BIRC5: variants seen among roughly 807,000 people sequenced by gnomAD.
BIRC5 encodes baculoviral IAP repeat containing 5, also known as baculoviral IAP repeat-containing protein 5.
BIRC5 carries 8 observed loss-of-function variants against 15.8 expected under a neutral mutation model. That is an observed-to-expected ratio of 0.51 (90% CI 0.30 to 0.91). The LOEUF (loss-of-function observed/expected upper bound fraction) is 0.91. Ranked by LOEUF, BIRC5 falls within the 40% of genes least tolerant of loss-of-function variation. The pLI is 0.07. For synonymous variants in BIRC5, 56 were observed against 64.5 expected, an observed-to-expected ratio of 0.87 and a Z score of 0.63; for missense variants, 163 against 178.6, an observed-to-expected ratio of 0.91 and a Z score of 0.50.
Position 78,215,904 on chromosome 17 carries a change from G to T in BIRC5, c.222-760G>T, listed in dbSNP as rs372074460. On this transcript the variant is annotated intron_variant, in intron 2 of 3. Transcript: ENST00000350051. ...CCCCTAGCAGAAAATGAGAGTGTGA[G>T]CTAGGGGGTCCCTTGGGGAACCCGG... The T allele has an allele frequency of 5.4e-5, 58 of 1,065,466 alleles. No homozygotes were observed. In the African/African-American group the frequency reaches 9.3e-4, roughly 17 times the overall value. 66.0% of individuals were successfully genotyped at this position (1,065,466 alleles called of 1,614,324 possible).
rs1468464730 is a variant in BIRC5, at chr17:78,223,749, G to A, written c.*195G>A. ...CCAGAGGTGCTTCTGCCTGTGCAGC[G>A]GGTGCTGCTGGTAACAGTGGCTGCT... On this transcript the variant is annotated 3_prime_UTR_variant, in exon 4 of 4. Transcript: ENST00000350051. 13 of 1,225,068 alleles carry A rather than the reference G, an allele frequency of 1.1e-5. No individual in the cohort carries two copies. Among genetic ancestry groups the A allele is most frequent in the Admixed American group, 3.5e-5 (1 of 28,178 alleles). 75.9% of individuals were successfully genotyped at this position (1,225,068 alleles called of 1,614,324 possible).
chr17:78,214,840 C>A, intron 2 of BIRC5, 51 bp downstream of exon 2: 1 of 1,521,084 alleles, frequency 6.6e-7, no homozygotes, highest in South Asian at 1.2e-5. Context: ...ACTGAGTTGT[C>A]AAAAGATTTG....
chr17:78,218,301 A>T (rs1156353464), intron 3 of BIRC5, among the ~76,000 whole-genome samples: 1 of 145,026 alleles, frequency 6.9e-6, no homozygotes, highest in Admixed American at 6.9e-5. Context: ...TTTATTTTTA[A>T]TTTTTTTTTT....
chr17:78,216,913 C>T, intron 3 of BIRC5, 132 bp downstream of exon 3: 2 of 616,030 alleles, frequency 3.2e-6, no homozygotes, highest in Non-Finnish European at 5.4e-6. Flanking sequence ...GAGTTTCACT[C>T]TTGTTGCCCA....
rs765360796 is a variant in BIRC5, at chr17:78,216,679, G to T, written c.237G>T (p.Lys79Asn). Residue 79 changes from lysine (K) to asparagine (N), a missense_variant, in exon 3 of 4, where the codon AAG becomes AAT. By Grantham distance (94) the Lys-to-Asn change is moderately conservative. Transcript: ENST00000350051. ...PDDDPIEEHKKHSSGCAFLSV... is the reference protein window; with the variant it reads ...PDDDPIEEHKNHSSGCAFLSV... ...ATTTTTCTAGAGAGGAACATAAAAA[G>T]CATTCGTCCGGTTGCGCTTTCCTTT... 11 of 1,613,478 alleles carry T rather than the reference G, an allele frequency of 6.8e-6. No individual in the cohort carries two copies. The highest frequency in any genetic ancestry group is 9.3e-6 in the Non-Finnish European group (11 of 1,179,674).
In BIRC5 at chr17:78,225,305, T is replaced by G. The variant is rs1172518621; in HGVS notation, c.*1751T>G. 6.6e-6 allele frequency: 1 copy of G among 152,220 alleles called. No individual in the cohort carries two copies. Among genetic ancestry groups the G allele is most frequent in the African/African-American group, 2.4e-5 (1 of 41,456 alleles). The allele number at this position is 152,220 out of a possible 1,614,324, so 9.4% of individuals were successfully genotyped here. On this transcript the variant is annotated 3_prime_UTR_variant, in exon 4 of 4. Transcript: ENST00000350051. ...CTCATGGCTACCAGCACCTGAAAGC[T>G]TCCTCGACATCTGTTAATAAAGCCG... is the stretch of plus-strand genomic sequence containing the variant.
chr17:78,216,656 T>C lies in BIRC5; in HGVS notation c.222-8T>C. ...GCTGCCTTTCCGCTGTTGTTTTGAT[T>C]TTTCTAGAGAGGAACATAAAAAGCA... On this transcript the variant is annotated splice_region_variant and splice_polypyrimidine_tract_variant and intron_variant, in intron 2 of 3. Coordinates refer to ENST00000350051, the MANE Select transcript of BIRC5 (RefSeq NM_001168.3). The C allele has an allele frequency of 6.2e-7, 1 of 1,612,832 alleles. No homozygotes were observed. Among genetic ancestry groups the C allele is most frequent in the South Asian group, 1.1e-5 (1 of 91,050 alleles).
chr17:78,215,056 G>T, intron 2 of BIRC5: 1 of 380,798 alleles, frequency 2.6e-6, no homozygotes, highest in South Asian at 2.7e-5. Flanking sequence ...AGACCCTGTT[G>T]TTGTGAACTC....
At position 78,214,633 on chromosome 17, in the gene BIRC5, G is replaced by A. The variant is rs1395548107; in HGVS notation, c.112-47G>A. 3.3e-6 allele frequency: 5 copies of A among 1,517,480 alleles called. No individual in the cohort carries two copies. In the African/African-American group the frequency reaches 5.5e-5, roughly 17 times the overall value. The allele number at this position is 1,517,480 out of a possible 1,614,324, so 94.0% of individuals were successfully genotyped here. On this transcript the variant is annotated intron_variant, in intron 1 of 3. Transcript: ENST00000350051. ...CGAGGCCTTTGTGGCTGGGCCTCGG[G>A]GTTCCGGGCTGCCACGTCCACTCAC... is the stretch of plus-strand genomic sequence containing the variant.
rs761634652 is a variant in BIRC5 at position 78,214,630 on chromosome 17, C to T, written c.112-50C>T. The T allele has an allele frequency of 1.1e-5, 17 of 1,509,858 alleles. No individual in the cohort carries two copies. In the East Asian group the frequency reaches 3.4e-4, roughly 31 times the overall value. 93.5% of individuals were successfully genotyped at this position (1,509,858 alleles called of 1,614,324 possible). A position where few individuals can be genotyped will look rare whatever the true frequency, so the allele number is the denominator to read the frequency against. On this transcript the variant is annotated intron_variant, in intron 1 of 3. Coordinates refer to ENST00000350051, the MANE Select transcript of BIRC5 (RefSeq NM_001168.3). ...CATCGAGGCCTTTGTGGCTGGGCCT[C>T]GGGGTTCCGGGCTGCCACGTCCACT...
intron 3 of BIRC5, chr17:78,222,832 G>C (rs2076524282): frequency 1.3e-6 from 2 of 1,535,970 alleles, no homozygotes; most frequent in Non-Finnish European, 1.7e-6. Context: ...CCTTAGGAGA[G>C]AGCTCTGTTA....
rs2076540699 is a variant in BIRC5, at chr17:78,225,036, T to C, written c.*1482T>C. On this transcript the variant is annotated 3_prime_UTR_variant, in exon 4 of 4. Transcript: ENST00000350051. ...CTCCAGCCTCTGTACTCATCTAAGC[T>C]GCTTATTTTTGATATTTGTGTCAGT... 1.3e-5 allele frequency: 2 copies of C among 152,246 alleles called. No homozygotes were observed. The highest frequency in any genetic ancestry group is 2.1e-4 in the South Asian group (1 of 4,836). The allele number at this position is 152,246 out of a possible 1,614,324, so 9.4% of individuals were successfully genotyped here.
chr17:78,217,345 T>G (rs2145895449), intron 3 of BIRC5, among the ~76,000 whole-genome samples: 1 of 150,124 alleles, frequency 6.7e-6, no homozygotes, highest in East Asian at 2.0e-4. Flanking sequence ...CCAGGTAATT[T>G]TTGTATTTTT....
intron 3 of BIRC5, among the ~76,000 whole-genome samples, chr17:78,217,791 C>A (rs1435016135): frequency 6.6e-6 from 1 of 151,830 alleles, no homozygotes; most frequent in Non-Finnish European, 1.5e-5. Flanking sequence ...GCCACCACAC[C>A]CGGCTATTTT....
At chr17:78,221,067 G>A (rs900942408) in intron 3 of BIRC5, among the ~76,000 whole-genome samples, 5 of 152,314 alleles carry the variant, frequency 3.3e-5, no homozygotes, top group South Asian at 2.1e-4. Context: ...CTGCTGCCTC[G>A]GTGCTTAGCT....
chr17:78,217,236 C>T (rs538717069), intron 3 of BIRC5, among the ~76,000 whole-genome samples: 1 of 148,222 alleles, frequency 6.7e-6, no homozygotes, highest in Non-Finnish European at 1.5e-5. Context: ...AGTGGGGTGG[C>T]CTGATCTCGG....
chr17:78,221,534 C>T (rs1262860894), intron 3 of BIRC5, among the ~76,000 whole-genome samples: 2 of 152,168 alleles, frequency 1.3e-5, no homozygotes, highest in African/African-American at 2.4e-5. Context: ...TCACTCCATT[C>T]GCCTGCCTCA....
In BIRC5 at chr17:78,223,522, C is replaced by G. The variant is rs375947077; in HGVS notation, c.397C>G (p.Arg133Gly). 1 of 1,612,540 alleles carries G rather than the reference C, an allele frequency of 6.2e-7. No homozygotes were observed. The highest frequency in any genetic ancestry group is 8.5e-7 in the Non-Finnish European group (1 of 1,179,348). Residue 133 changes from arginine to glycine, a missense_variant, in exon 4 of 4, where the codon CGT (arginine) becomes GGT (glycine). By Grantham distance (125) the Arg-to-Gly change is moderately radical. Transcript: ENST00000350051. The part of the protein sequence containing the change: ...EFEETAEKVR[R>G]AIEQLAAMD ...TGAGGAAACTGCGGAGAAAGTGCGC[C>G]GTGCCATCGAGCAGCTGGCTGCCAT...
At chr17:78,222,944 A>T in intron 3 of BIRC5, 1 of 1,529,204 alleles carries the variant, frequency 6.5e-7, no homozygotes, top group Non-Finnish European at 8.7e-7. Context: ...GTTTAACTGG[A>T]CATGAAGAGG....
Sources: allele counts gnomAD v4.1 joint callset (sites outside exome capture counted in the v4.1 genomes callset), GRCh38; gene constraint gnomAD v4.1.1; transcripts MANE v1.5; gene names NCBI Gene and HGNC (gene_info 2026-07-23, HGNC 2026-07-21).